Variants in FAXDC2 observed in about 807,000 individuals in gnomAD.
FAXDC2 encodes fatty acid hydroxylase domain-containing protein 2.
Under a neutral mutation model 40.9 loss-of-function variants are expected in FAXDC2, and 41 were observed. That is an observed-to-expected ratio of 1.00 (90% CI 0.78 to 1.30). FAXDC2 has a LOEUF of 1.30. Among genes scored for constraint, FAXDC2 ranks in the 50% most tolerant of loss-of-function variants. The pLI, the probability that FAXDC2 is intolerant of heterozygous loss-of-function variation, is 0.00. For missense variants in FAXDC2, 390 were observed against 408.8 expected, an observed-to-expected ratio of 0.95 and a Z score of 0.40; for synonymous variants, 157 against 149.3, an observed-to-expected ratio of 1.05 and a Z score of -0.38.
At chr5:154,835,716 G>A (rs951040512) in intron 2 of FAXDC2, among the ~76,000 whole-genome samples, 1 of 151,542 alleles carries the variant, frequency 6.6e-6, no homozygotes, top group African/African-American at 2.4e-5. Context: ...GAGTAGCTGG[G>A]ACTACAGGAG....
chr5:154,824,404 G>C, intron 5 of FAXDC2: 1 of 685,886 alleles, frequency 1.5e-6, no homozygotes. Context: ...GTGAGCTGGA[G>C]GGATTTCTGC....
At chr5:154,837,916 C>T (rs1232823930) in intron 2 of FAXDC2, among the ~76,000 whole-genome samples, 4 of 152,190 alleles carry the variant, frequency 2.6e-5, no homozygotes, top group East Asian at 1.9e-4. Context: ...AATTCCATAA[C>T]GCACATTCGC....
At chr5:154,848,051 G>A (rs556691627) in intron 1 of FAXDC2, among the ~76,000 whole-genome samples, 9 of 152,148 alleles carry the variant, frequency 5.9e-5, no homozygotes, top group Admixed American at 2.6e-4. Context: ...ATGTTAGCCA[G>A]GATGGTCTTG....
intron 8 of FAXDC2, 178 bp downstream of exon 8, chr5:154,821,082 C>T (rs1759875948): frequency 1.7e-6 from 1 of 594,130 alleles, no homozygotes; most frequent in Admixed American, 3.5e-5. Flanking sequence ...GGAGGAGGAC[C>T]CAATTTCAGA....
intron 1 of FAXDC2, among the ~76,000 whole-genome samples, chr5:154,841,597 A>G (rs181391148): frequency 6.6e-6 from 1 of 152,164 alleles, no homozygotes; most frequent in African/African-American, 2.4e-5. Flanking sequence ...TTAAATAATG[A>G]TTTTCTCCAC....
intron 4 of FAXDC2, among the ~76,000 whole-genome samples, chr5:154,831,837 C>T (rs1000604341): frequency 9.2e-5 from 14 of 151,790 alleles, no homozygotes; most frequent in Non-Finnish European, 1.8e-4. Flanking sequence ...AAGAAAAGGA[C>T]ACACGTCTGT....
rs1325167963 is a variant in FAXDC2, at chr5:154,830,848, G to A, written c.319C>T (p.Pro107Ser). 2 of 1,614,062 alleles carry A rather than the reference G, an allele frequency of 1.2e-6. No individual in the cohort carries two copies. The highest frequency in any genetic ancestry group is 1.3e-5 in the African/African-American group (1 of 74,916). ...LLLVVDTTGKPNFISRYRIQV... is the reference protein window; with the variant it reads ...LLLVVDTTGKSNFISRYRIQV... ...ATTCGGTAGCGAGAGATGAAGTTAG[G>A]TTTTCCTGTTGTGTCAACCACCAAT... Residue 107 changes from proline (P) to serine (S), a missense_variant, in exon 5 of 9, where the codon CCT (proline) becomes TCT (serine). Pro to Ser is a moderately conservative substitution (Grantham distance 74). Transcript: ENST00000326080.
chr5:154,828,944 G>C (rs1760119103), intron 5 of FAXDC2, among the ~76,000 whole-genome samples: 1 of 144,344 alleles, frequency 6.9e-6, no homozygotes, highest in Non-Finnish European at 1.5e-5. Flanking sequence ...TTTTGAGGCA[G>C]AGTCTTGCTC....
chr5:154,840,371 A>T (rs1760449216), intron 1 of FAXDC2, among the ~76,000 whole-genome samples: 1 of 151,928 alleles, frequency 6.6e-6, no homozygotes, highest in African/African-American at 2.4e-5. Flanking sequence ...TTGAAATTAC[A>T]CCCATGAACC....
At chr5:154,843,299 T>C (rs141354349) in intron 1 of FAXDC2, among the ~76,000 whole-genome samples, 97 of 152,324 alleles carry the variant, frequency 6.4e-4, no homozygotes, top group Non-Finnish European at 1.4e-3. Context: ...ATCAACTCCA[T>C]TATCTTTGCT....
chr5:154,833,382 A>C (rs558290709), intron 4 of FAXDC2, among the ~76,000 whole-genome samples: 2 of 126,156 alleles, frequency 1.6e-5, no homozygotes, highest in South Asian at 2.6e-4. Context: ...GTCGTGCCCT[A>C]TTGCCCAGGC....
rs185140976 is a variant in FAXDC2, at chr5:154,830,031, A to C, written c.366+770T>G. Among the ~76,000 whole-genome samples, 276 of 152,300 alleles carry C rather than the reference A, an allele frequency of 1.8e-3. 4 individuals are homozygous for C. In the East Asian group the frequency reaches 0.024, roughly 13 times the overall value. ...CTTTCTGGAGTGCTGGGCTGGGGCA[A>C]AAGGACCTGAGAGCTGAGGTGGTTC... On this transcript the variant is annotated intron_variant, in intron 5 of 8. Coordinates refer to ENST00000326080, the MANE Select transcript of FAXDC2 (RefSeq NM_032385.5).
At chr5:154,829,319 G>A (rs1056808079) in intron 5 of FAXDC2, 2 of 152,334 alleles carry the variant, frequency 1.3e-5, no homozygotes, top group Non-Finnish European at 2.9e-5. Context: ...AGGAACACCA[G>A]GTAGCATTCA....
chr5:154,830,958 T>A, intron 4 of FAXDC2, 36 bp from the exon 5 acceptor site: 1 of 1,610,870 alleles, frequency 6.2e-7, no homozygotes, highest in East Asian at 2.2e-5. Flanking sequence ...AGGGCGACTT[T>A]GGGTTCTCAC....
At chr5:154,841,867 C>T (rs1262924349) in intron 1 of FAXDC2, among the ~76,000 whole-genome samples, 1 of 151,958 alleles carries the variant, frequency 6.6e-6, no homozygotes, top group African/African-American at 2.4e-5. Flanking sequence ...TCCCAAGTAG[C>T]TGGGATTACA....
rs1228294457 is a variant in FAXDC2 at position 154,819,519 on chromosome 5, C to T, written c.*797G>A. 3 of 152,222 alleles carry T rather than the reference C, an allele frequency of 2.0e-5. No homozygotes were observed. Among genetic ancestry groups the T allele is most frequent in the African/African-American group, 7.2e-5 (3 of 41,434 alleles). 9.4% of individuals were successfully genotyped at this position (152,222 alleles called of 1,614,324 possible). ...CCCCAAAGGGCAGCAACTTTGACCC[C>T]TCCCCTTGTGGGTAAAAGGGCTTTT... On this transcript the variant is annotated 3_prime_UTR_variant, in exon 9 of 9. Transcript: ENST00000326080.
At position 154,825,567 on chromosome 5, in the gene FAXDC2, G is replaced by T. The variant is rs141060092; in HGVS notation, c.367-1975C>A. 5.5e-3 allele frequency among the ~76,000 whole-genome samples: 824 copies of T among 148,944 alleles called. 8 individuals carry two copies. Among genetic ancestry groups the T allele is most frequent in the African/African-American group, 0.019 (780 of 40,320 alleles). On this transcript the variant is annotated intron_variant, in intron 5 of 8. Coordinates refer to ENST00000326080, the MANE Select transcript of FAXDC2 (RefSeq NM_032385.5). Reference sequence around the variant, plus strand: ...AGCTACTCAGGAGGCTGAGGCAGGAGAATCACTTGAACCCGGGAGGTTGCA... The same window carrying T: ...AGCTACTCAGGAGGCTGAGGCAGGATAATCACTTGAACCCGGGAGGTTGCA...
chr5:154,843,275 C>G (rs138189466), intron 1 of FAXDC2, among the ~76,000 whole-genome samples: 3 of 152,306 alleles, frequency 2.0e-5, no homozygotes, highest in African/African-American at 7.2e-5. Context: ...GTCTCCTAGC[C>G]TTTTCCCTGT....
intron 5 of FAXDC2, chr5:154,824,680 T>G (rs920100698): frequency 4.6e-6 from 3 of 652,774 alleles, no homozygotes; most frequent in Non-Finnish European, 8.4e-6. Flanking sequence ...GTACCCACTA[T>G]GTAGCACTCA....
Sources: allele counts gnomAD v4.1 joint callset (sites outside exome capture counted in the v4.1 genomes callset), GRCh38; gene constraint gnomAD v4.1.1; transcripts MANE v1.5; gene names NCBI Gene and HGNC (gene_info 2026-07-23, HGNC 2026-07-21).